Variants in MECOM observed in about 807,000 individuals in gnomAD.
The protein encoded by MECOM is MDS1 and EVI1 complex locus, also known as histone-lysine N-methyltransferase MECOM.
In MECOM, 13 loss-of-function variants were observed where a neutral mutation model predicts 116.3. That is an observed-to-expected ratio of 0.11 (90% CI 0.07 to 0.18). The LOEUF is 0.18. Ranked by LOEUF, MECOM falls within the 10% of genes least tolerant of loss-of-function variation. The pLI is 1.00. For synonymous variants in MECOM, 528 were observed against 535.2 expected, an observed-to-expected ratio of 0.99 and a Z score of 0.19; for missense variants, 1,299 against 1,509.0, an observed-to-expected ratio of 0.86 and a Z score of 2.31.
rs1730025564 is a variant in MECOM at position 169,118,806 on chromosome 3, G to A, written c.1133-2067C>T. Among the ~76,000 whole-genome samples, 10 of 152,096 alleles carry A rather than the reference G, an allele frequency of 6.6e-5. No individual in the cohort carries two copies. In the South Asian group the frequency reaches 2.1e-3, roughly 32 times the overall value. On this transcript the variant is annotated intron_variant, in intron 7 of 16. Coordinates refer to ENST00000651503, the MANE Select transcript of MECOM (RefSeq NM_004991.4). Reference sequence around the variant, plus strand: ...TTCTGGTGGCACCCGTTGTTACATGGCTGAGTGCTGTCTGTGTCTGGGCTC... The same window carrying A: ...TTCTGGTGGCACCCGTTGTTACATGACTGAGTGCTGTCTGTGTCTGGGCTC...
intron 2 of MECOM, among the ~76,000 whole-genome samples, chr3:169,161,984 T>A (rs563536631): frequency 3.3e-5 from 5 of 152,334 alleles, no homozygotes; most frequent in Non-Finnish European, 7.3e-5. Flanking sequence ...GGACCACAAC[T>A]GCCCAGCTAG....
chr3:169,090,282 T>G, intron 14 of MECOM, 46 bp from the exon 15 acceptor site: 2 of 1,526,632 alleles, frequency 1.3e-6, no homozygotes, highest in Admixed American at 4.2e-5. Context: ...GTTTCATTTT[T>G]AAAATTGTAA....
intron 1 of MECOM, among the ~76,000 whole-genome samples, chr3:169,461,176 C>T (rs374505417): frequency 3.7e-4 from 56 of 152,192 alleles, no homozygotes; most frequent in African/African-American, 7.7e-4. Flanking sequence ...CTTCCACTTG[C>T]GCCACCCCTA....
intron 1 of MECOM, among the ~76,000 whole-genome samples, chr3:169,399,719 G>A (rs774701641): frequency 6.6e-6 from 1 of 152,040 alleles, no homozygotes; most frequent in Non-Finnish European, 1.5e-5. Flanking sequence ...AGAAAGTTTT[G>A]TTTTATGTTT....
intron 2 of MECOM, among the ~76,000 whole-genome samples, chr3:169,183,679 TC>T (rs1437409100): frequency 6.7e-6 from 1 of 150,238 alleles, no homozygotes; most frequent in Non-Finnish European, 1.5e-5. Flanking sequence ...ACTCCCAACT[TC>T]CTGCCTTCCA....
intron 1 of MECOM, among the ~76,000 whole-genome samples, chr3:169,496,663 G>A (rs1296809401): frequency 6.6e-6 from 1 of 152,184 alleles, no homozygotes; most frequent in East Asian, 1.9e-4. Context: ...TTCAGTATCT[G>A]ATTCCATCTC....
At chr3:169,433,621 AAAAG>A (rs1329610325) in intron 1 of MECOM, among the ~76,000 whole-genome samples, 2 of 144,442 alleles carry the variant, frequency 1.4e-5, no homozygotes, top group African/African-American at 5.2e-5. Context: ...AGGGAAGGAG[AAAAG>A]AAAGAAAGAG....
chr3:169,466,731 A>C (rs1189753248), intron 1 of MECOM, among the ~76,000 whole-genome samples: 2 of 152,110 alleles, frequency 1.3e-5, no homozygotes, highest in Non-Finnish European at 2.9e-5. Context: ...AGATACAGAT[A>C]CATAGAGAGA....
intron 1 of MECOM, among the ~76,000 whole-genome samples, chr3:169,656,667 T>G (rs1255470714): frequency 1.3e-5 from 2 of 152,240 alleles, no homozygotes; most frequent in Non-Finnish European, 2.9e-5. Flanking sequence ...GGGTTGATGG[T>G]ATTTTTGTCT....
rs1342954361 is a variant in MECOM at position 169,378,447 on chromosome 3, A to G, written c.375+2740T>C. 2.5e-3 allele frequency among the ~76,000 whole-genome samples: 188 copies of G among 76,302 alleles called. 5 individuals carry two copies. The highest frequency in any genetic ancestry group is 0.014 in the African/African-American group (153 of 11,060). 50.1% of individuals were successfully genotyped at this position (76,302 alleles called of 152,430 possible). On this transcript the variant is annotated intron_variant, in intron 2 of 16. Transcript: ENST00000651503. ...AAAGAAAGAAAGAAAGAAAGAAAGA[A>G]AGAAGGAAAGCAAGCAAGCAAGCAA...
intron 1 of MECOM, among the ~76,000 whole-genome samples, chr3:169,545,388 C>T (rs1189530323): frequency 1.3e-5 from 2 of 151,980 alleles, no homozygotes; most frequent in Non-Finnish European, 2.9e-5. Flanking sequence ...ATCCTTAGCT[C>T]CTAAAGGGAG....
chr3:169,213,891 G>T (rs761867552), intron 2 of MECOM, among the ~76,000 whole-genome samples: 1 of 151,984 alleles, frequency 6.6e-6, no homozygotes, highest in Non-Finnish European at 1.5e-5. Flanking sequence ...ATGGCTGAAG[G>T]GCTATATATT....
chr3:169,621,590 C>G (rs921702239), intron 1 of MECOM, among the ~76,000 whole-genome samples: 1 of 152,144 alleles, frequency 6.6e-6, no homozygotes, highest in African/African-American at 2.4e-5. Context: ...AGCCCCATCT[C>G]CACTAAAAAC....
At chr3:169,445,917 C>A (rs957077199) in intron 1 of MECOM, among the ~76,000 whole-genome samples, 1 of 152,170 alleles carries the variant, frequency 6.6e-6, no homozygotes, top group Admixed American at 6.5e-5. Context: ...CTTGCATGGG[C>A]CCTGTAACCC....
At chr3:169,487,662 T>G (rs944828869) in intron 1 of MECOM, among the ~76,000 whole-genome samples, 4 of 150,508 alleles carry the variant, frequency 2.7e-5, no homozygotes, top group Non-Finnish European at 5.9e-5. Context: ...AAGAAAGAAA[T>G]AAATCCAAAC....
At chr3:169,322,235 C>T (rs1200045729) in intron 2 of MECOM, among the ~76,000 whole-genome samples, 1 of 152,012 alleles carries the variant, frequency 6.6e-6, no homozygotes, top group Admixed American at 6.6e-5. Flanking sequence ...TTATCTAGAC[C>T]CAAATATTTT....
intron 2 of MECOM, among the ~76,000 whole-genome samples, chr3:169,199,056 A>T (rs948269486): frequency 6.6e-6 from 1 of 152,066 alleles, no homozygotes; most frequent in Admixed American, 6.6e-5. Context: ...TGTGTCCCCA[A>T]TGTCACCTCT....
chr3:169,577,395 A>G (rs1375326637), intron 1 of MECOM, among the ~76,000 whole-genome samples: 2 of 152,158 alleles, frequency 1.3e-5, no homozygotes, highest in Non-Finnish European at 2.9e-5. Flanking sequence ...TACACTAGCC[A>G]TCTAACTCTC....
intron 1 of MECOM, among the ~76,000 whole-genome samples, chr3:169,385,926 G>C (rs188427559): frequency 6.6e-6 from 1 of 152,176 alleles, no homozygotes; most frequent in African/African-American, 2.4e-5. Flanking sequence ...ACTTCTTGGA[G>C]CTGAGCTGTC....
Sources: gnomAD v4.1 joint callset for allele counts (sites outside exome capture counted in the v4.1 genomes callset) on GRCh38, gnomAD v4.1.1 for gene constraint, MANE v1.5 for transcripts, NCBI Gene and HGNC (gene_info 2026-07-23, HGNC 2026-07-21) for gene names.